PLGLB2: variants seen among roughly 807,000 people sequenced by gnomAD.
PLGLB2 encodes the protein plasminogen like B2.
At chr2:87,750,250 CT>C (rs1368316759) in intron 1 of PLGLB2, among the ~76,000 whole-genome samples, 4 of 152,056 alleles carry the variant, frequency 2.6e-5, no homozygotes. Flanking sequence ...TGGAAGTTTT[CT>C]TTTTTTGAAT....
In PLGLB2 at chr2:87,756,507, C is replaced by A. The variant is rs527259201; in HGVS notation, c.*2-313C>A. 25 of 292,606 alleles carry A rather than the reference C, an allele frequency of 8.5e-5. No homozygotes were observed. In the South Asian group the frequency reaches 1.1e-3, roughly 13 times the overall value. 18.1% of individuals were successfully genotyped at this position (292,606 alleles called of 1,614,324 possible). Reference sequence around the variant, plus strand: ...TGTTTACTTGAATATTTCCTGTAACCCCCCTGTCTGATTCCACTAGAATGT... The same window carrying A: ...TGTTTACTTGAATATTTCCTGTAACACCCCTGTCTGATTCCACTAGAATGT... On this transcript the variant is annotated intron_variant, in intron 3 of 3. Coordinates refer to ENST00000359481, the MANE Select transcript of PLGLB2 (RefSeq NM_002665.4).
chr2:87,750,187 G>A (rs1168634337), intron 1 of PLGLB2, among the ~76,000 whole-genome samples: 5 of 152,262 alleles, frequency 3.3e-5, no homozygotes, highest in South Asian at 4.1e-4. Flanking sequence ...GCAGCGATGC[G>A]CTATGAAGTA....
At chr2:87,756,325 T>C (rs1443424428) in intron 3 of PLGLB2, 1 of 99,404 alleles carries the variant, frequency 1.0e-5, no homozygotes, top group African/African-American at 3.6e-5. Context: ...TTCATATCAC[T>C]GGGAGCCTGA....
At position 87,758,115 on chromosome 2, in the gene PLGLB2, CA is replaced by C. The variant is rs1455901039; in HGVS notation, c.*1299del. ...AATCCCTCCTCCATCCCCAATAATT[CA>C]AGCTGCATTTCAGAGAAAACCAGGA... On this transcript the variant is annotated 3_prime_UTR_variant, in exon 4 of 4. Coordinates refer to ENST00000359481, the MANE Select transcript of PLGLB2 (RefSeq NM_002665.4). Among the ~76,000 whole-genome samples, 4 of 150,270 alleles carry C rather than the reference CA, an allele frequency of 2.7e-5. No homozygotes were observed. The highest frequency in any genetic ancestry group is 9.8e-5 in the African/African-American group (4 of 40,914).
intron 1 of PLGLB2, among the ~76,000 whole-genome samples, chr2:87,750,816 C>G (rs1473704001): frequency 7.1e-6 from 1 of 141,584 alleles, no homozygotes; most frequent in Non-Finnish European, 1.6e-5. Context: ...CTCCCCTGAC[C>G]TCATCTTCCC....
chr2:87,750,503 A>G (rs973757085), intron 1 of PLGLB2, among the ~76,000 whole-genome samples: 2 of 151,980 alleles, frequency 1.3e-5, no homozygotes, highest in Non-Finnish European at 2.9e-5. Context: ...ACATCTCTCA[A>G]GTGCTTTTCA....
chr2:87,755,025 G>A (rs1431563760), intron 3 of PLGLB2, among the ~76,000 whole-genome samples: 2 of 146,198 alleles, frequency 1.4e-5, no homozygotes, highest in Admixed American at 6.8e-5. Flanking sequence ...GTTAGATCAC[G>A]TTTACTTCTG....
At chr2:87,756,578 T>C (rs1298704661) in intron 3 of PLGLB2, 4 of 361,480 alleles carry the variant, frequency 1.1e-5, no homozygotes, top group Admixed American at 4.1e-5. Flanking sequence ...GCCCCGTGTG[T>C]CCCCAGCATC....
At chr2:87,750,828 G>A (rs565381909) in intron 1 of PLGLB2, among the ~76,000 whole-genome samples, 18 of 138,420 alleles carry the variant, frequency 1.3e-4, no homozygotes, top group Admixed American at 5.7e-4. Flanking sequence ...CATCTTCCCT[G>A]GAGGGCTCGC....
intron 1 of PLGLB2, chr2:87,751,453 A>G (rs1684643930): frequency 6.6e-6 from 1 of 150,552 alleles, no homozygotes; most frequent in Non-Finnish European, 1.5e-5. Context: ...TTGGCAACAT[A>G]ATTTAGTTCA....
chr2:87,750,053 T>C (rs1684621361), intron 1 of PLGLB2, among the ~76,000 whole-genome samples: 1 of 150,588 alleles, frequency 6.6e-6, no homozygotes, highest in Admixed American at 6.7e-5. Flanking sequence ...CCTATTGCCA[T>C]ATGAGTCCTA....
intron 1 of PLGLB2, among the ~76,000 whole-genome samples, chr2:87,750,600 A>G (rs1684630612): frequency 6.7e-6 from 1 of 149,882 alleles, no homozygotes; most frequent in Admixed American, 6.7e-5. Flanking sequence ...GGAAGGACGA[A>G]GTCCCAGAGG....
In PLGLB2 at chr2:87,756,470, C is replaced by T. The variant is rs1369924321; in HGVS notation, c.*2-350C>T. The T allele has an allele frequency of 1.5e-5, 4 of 264,862 alleles. No homozygotes were observed. In the East Asian group the frequency reaches 2.5e-4, roughly 16 times the overall value. The allele number at this position is 264,862 out of a possible 1,614,324, so 16.4% of individuals were successfully genotyped here. On this transcript the variant is annotated intron_variant, in intron 3 of 3. Coordinates refer to ENST00000359481, the MANE Select transcript of PLGLB2 (RefSeq NM_002665.4). Reference sequence around the variant, plus strand: ...TATCCATGTATCATCATTAAGTGATCTCATTTTATATTGTTTACTTGAATA... The same window carrying T: ...TATCCATGTATCATCATTAAGTGATTTCATTTTATATTGTTTACTTGAATA...
intron 3 of PLGLB2, among the ~76,000 whole-genome samples, chr2:87,755,074 GAC>G (rs1350461020): frequency 7.1e-6 from 1 of 141,394 alleles, no homozygotes; most frequent in Non-Finnish European, 1.5e-5. Context: ...CCGAGTCCAA[GAC>G]CCTATCACCA....
At chr2:87,756,552 C>T (rs1446856621) in intron 3 of PLGLB2, 1 of 338,484 alleles carries the variant, frequency 3.0e-6, no homozygotes, top group Non-Finnish European at 5.7e-6. Flanking sequence ...GATGGCCAAG[C>T]CTCTGGCTGC....
In PLGLB2 at chr2:87,758,663, CCTT is replaced by C; in HGVS notation, c.*1848_*1850del. 1 of 496,822 alleles carries C rather than the reference CCTT, an allele frequency of 2.0e-6. No individual in the cohort carries two copies. The highest frequency in any genetic ancestry group is 3.9e-6 in the Non-Finnish European group (1 of 257,850). 30.8% of individuals were successfully genotyped at this position (496,822 alleles called of 1,614,324 possible). A position where few individuals can be genotyped will look rare whatever the true frequency, so the allele number is the denominator to read the frequency against. On this transcript the variant is annotated 3_prime_UTR_variant, in exon 4 of 4. Transcript: ENST00000359481. ...TCTCAGATGGGAATCGAGAGCATCT[CCTT>C]CTGCCTTGCTAATAGCAAGCTGATT...
At chr2:87,756,265 T>C (rs1684717459) in intron 3 of PLGLB2, 1 of 62,386 alleles carries the variant, frequency 1.6e-5, no homozygotes, top group Non-Finnish European at 3.3e-5. Flanking sequence ...GAACTTTTAC[T>C]GCAAACCATT....
In PLGLB2 at chr2:87,759,062, G is replaced by C. The variant is rs1684836830; in HGVS notation, c.*2244G>C. 1.4e-5 allele frequency among the ~76,000 whole-genome samples: 2 copies of C among 142,128 alleles called. No homozygotes were observed. The highest frequency in any genetic ancestry group is 5.0e-5 in the African/African-American group (2 of 39,616). 93.2% of individuals were successfully genotyped at this position (142,128 alleles called of 152,430 possible). On this transcript the variant is annotated 3_prime_UTR_variant, in exon 4 of 4. Transcript: ENST00000359481. ...ACAGAATTTTGCTCTCATTGCCCAGGCTAGAGTGCAATGGTGCGATCTCAG... is the reference window on the plus strand; with the variant it reads ...ACAGAATTTTGCTCTCATTGCCCAGCCTAGAGTGCAATGGTGCGATCTCAG...
chr2:87,750,075 G>C (rs1338491718), intron 1 of PLGLB2, among the ~76,000 whole-genome samples: 63 of 150,640 alleles, frequency 4.2e-4, no homozygotes, highest in Non-Finnish European at 7.7e-4. Flanking sequence ...AGGTGAATAA[G>C]AGAAAAAAAA....
Sources: allele counts gnomAD v4.1 joint callset (sites outside exome capture counted in the v4.1 genomes callset), GRCh38; gene constraint gnomAD v4.1.1; transcripts MANE v1.5; gene names NCBI Gene and HGNC (gene_info 2026-07-23, HGNC 2026-07-21).